LY96: variants seen among roughly 807,000 people sequenced by gnomAD.
LY96 encodes the protein myeloid differentiation protein-2.
Under a neutral mutation model 18.9 loss-of-function variants are expected in LY96, and 18 were observed. The observed-to-expected ratio is 0.95, with a 90% confidence interval of 0.66 to 1.41. The LOEUF is 1.41. Among genes scored for constraint, LY96 ranks in the 40% most tolerant of loss-of-function variants. The probability of loss-of-function intolerance (pLI) is 0.00; values close to 1 mark genes in which losing one functional copy is unlikely to be tolerated. For synonymous variants in LY96, 66 were observed against 62.6 expected (o/e 1.06, Z -0.26); for missense variants, 175 against 182.4 (o/e 0.96, Z 0.23).
chr8:74,021,136 C>T (rs1003850756), intron 3 of LY96, among the ~76,000 whole-genome samples: 47 of 152,120 alleles, frequency 3.1e-4, no homozygotes, highest in African/African-American at 1.1e-3. Context: ...AACAGGCGAC[C>T]TACAGAATGG....
intron 3 of LY96, among the ~76,000 whole-genome samples, chr8:74,025,796 T>C (rs930637601): frequency 6.6e-6 from 1 of 152,110 alleles, no homozygotes; most frequent in East Asian, 1.9e-4. Flanking sequence ...TCGCCTGAAG[T>C]TGGGAGTTCG....
chr8:74,073,867 A>G, the LY96 span, among the ~76,000 whole-genome samples: 5 of 152,060 alleles, frequency 3.3e-5, no homozygotes, highest in African/African-American at 1.2e-4. Flanking sequence ...CATGTTGGCC[A>G]GGCTGGTCTT....
intron 2 of LY96, among the ~76,000 whole-genome samples, chr8:74,006,171 T>C (rs1586651280): frequency 6.6e-6 from 1 of 152,280 alleles, no homozygotes; most frequent in East Asian, 1.9e-4. Flanking sequence ...GCACTGTGAA[T>C]TCATTGATAA....
intron 1 of LY96, among the ~76,000 whole-genome samples, chr8:73,992,940 T>C (rs993899330): frequency 6.6e-6 from 1 of 151,238 alleles, no homozygotes; most frequent in African/African-American, 2.4e-5. Flanking sequence ...CTGCAACCTC[T>C]GCCTCCCAAG....
chr8:74,072,472 CT>C, the LY96 span, among the ~76,000 whole-genome samples: 4 of 152,016 alleles, frequency 2.6e-5, no homozygotes, highest in African/African-American at 9.7e-5. Flanking sequence ...ATTATTAGTC[CT>C]CTGTTGTTGG....
the LY96 span, among the ~76,000 whole-genome samples, chr8:74,096,021 G>A: frequency 1.3e-5 from 2 of 152,158 alleles, no homozygotes; most frequent in African/African-American, 4.8e-5. Context: ...GTGTTTAAGT[G>A]CCCGAGCCAA....
the LY96 span, among the ~76,000 whole-genome samples, chr8:74,072,179 T>C: frequency 1.3e-5 from 2 of 152,174 alleles, no homozygotes; most frequent in African/African-American, 4.8e-5. Flanking sequence ...GAAATGCATA[T>C]AAATTTTAAA....
the LY96 span, among the ~76,000 whole-genome samples, chr8:74,089,772 C>T: frequency 2.0e-5 from 3 of 151,868 alleles, no homozygotes; most frequent in Non-Finnish European, 4.4e-5. Context: ...GATAGGAATG[C>T]CATCGTAAGG....
chr8:74,001,869 T>A (rs1262615970), intron 1 of LY96, among the ~76,000 whole-genome samples: 2 of 151,974 alleles, frequency 1.3e-5, no homozygotes, highest in East Asian at 3.9e-4. Flanking sequence ...AACTATTTCA[T>A]TGGGCTTCTT....
At position 73,994,207 on chromosome 8, in the gene LY96, G is replaced by T. The variant is rs558796433; in HGVS notation, c.112+2653G>T. Among the ~76,000 whole-genome samples the T allele has an allele frequency of 5.3e-5, 8 of 152,076 alleles. No homozygotes were observed. The South Asian group carries it at 1.7e-3, about 32-fold the overall frequency. ...CTTCCTTCTCTCTGAGAAACCCTGTGGTCCTTTCCTGCTGCCCCACTGACA... is the reference window on the plus strand; with the variant it reads ...CTTCCTTCTCTCTGAGAAACCCTGTTGTCCTTTCCTGCTGCCCCACTGACA... On this transcript the variant is annotated intron_variant, in intron 1 of 4. Coordinates refer to ENST00000284818, the MANE Select transcript of LY96 (RefSeq NM_015364.5).
chr8:74,072,203 A>G, the LY96 span, among the ~76,000 whole-genome samples: 1 of 152,196 alleles, frequency 6.6e-6, no homozygotes, highest in African/African-American at 2.4e-5. Flanking sequence ...ATTAAAATTT[A>G]TTTTGAATTA....
chr8:74,081,035 TTTC>T, the LY96 span, among the ~76,000 whole-genome samples: 1 of 122,534 alleles, frequency 8.2e-6, no homozygotes, highest in East Asian at 2.0e-4. Flanking sequence ...TCTTTCTTTC[TTTC>T]TTTCTTTCTT....
At chr8:73,992,220 C>T (rs756931303) in intron 1 of LY96, among the ~76,000 whole-genome samples, 1 of 152,232 alleles carries the variant, frequency 6.6e-6, no homozygotes, top group Middle Eastern at 3.4e-3. Context: ...TCCCCTGCCC[C>T]AGCTGCTCAT....
the LY96 span, among the ~76,000 whole-genome samples, chr8:74,057,793 C>T: frequency 1.3e-5 from 2 of 152,220 alleles, no homozygotes; most frequent in East Asian, 1.9e-4. Flanking sequence ...CAATTTTACT[C>T]TAACAGCTTA....
At chr8:74,056,861 C>G in the LY96 span, among the ~76,000 whole-genome samples, 1 of 152,114 alleles carries the variant, frequency 6.6e-6, no homozygotes, top group Non-Finnish European at 1.5e-5. Context: ...AGACCCTGAG[C>G]GTGGAACTAG....
chr8:74,050,894 G>A, the LY96 span, among the ~76,000 whole-genome samples: 19 of 152,040 alleles, frequency 1.2e-4, no homozygotes, highest in Admixed American at 2.6e-4. Context: ...GTGGTGGCAC[G>A]CACCTGTAAT....
At chr8:74,042,904 G>A in the LY96 span, among the ~76,000 whole-genome samples, 1 of 151,914 alleles carries the variant, frequency 6.6e-6, no homozygotes, top group East Asian at 1.9e-4. Flanking sequence ...AGCCTCCCGA[G>A]TAGCTGGGAC....
chr8:74,070,657 G>A, the LY96 span, among the ~76,000 whole-genome samples: 1 of 151,856 alleles, frequency 6.6e-6, no homozygotes, highest in Non-Finnish European at 1.5e-5. Flanking sequence ...GTTTTTGAGC[G>A]TTACAGAAAT....
the LY96 span, among the ~76,000 whole-genome samples, chr8:74,081,005 TC>T: frequency 1.6e-5 from 2 of 122,328 alleles, no homozygotes; most frequent in Non-Finnish European, 3.1e-5. Flanking sequence ...TTTCTTTCTT[TC>T]TTTCTTTCTT....
Sources: gnomAD v4.1 joint callset for allele counts (sites outside exome capture counted in the v4.1 genomes callset) on GRCh38, gnomAD v4.1.1 for gene constraint, MANE v1.5 for transcripts, NCBI Gene and HGNC (gene_info 2026-07-23, HGNC 2026-07-21) for gene names.